The following LRRC75A variants were observed in gnomAD, a reference collection of about 807,000 sequenced individuals.
LRRC75A encodes leucine-rich repeat-containing protein 75A.
Under a neutral mutation model 26.0 loss-of-function variants are expected in LRRC75A, and 12 were observed. The observed-to-expected ratio is 0.46, with a 90% CI of 0.30 to 0.75. LRRC75A has a LOEUF of 0.75. LRRC75A is among the 30% of genes least tolerant of loss of function. The pLI is 0.08. For missense variants in LRRC75A, 410 were observed against 486.6 expected (o/e 0.84, Z 1.48); for synonymous variants, 223 against 219.3 (o/e 1.02, Z -0.15).
At position 16,492,184 on chromosome 17, in the gene LRRC75A, G is replaced by T; in HGVS notation, c.-194C>A. 1 of 284,930 alleles carries T rather than the reference G, an allele frequency of 3.5e-6. No homozygotes were observed. Among genetic ancestry groups the T allele is most frequent in the Non-Finnish European group, 5.2e-6 (1 of 193,564 alleles). The allele number at this position is 284,930 out of a possible 1,614,324, so 17.7% of individuals were successfully genotyped here. ...CCGCGCTCCTCCCTCTTGGCTACCC[G>T]GGCGCGCTCCCCGGGCGCTCGCCGC... is the stretch of plus-strand genomic sequence containing the variant. On this transcript the variant is annotated 5_prime_UTR_variant, in exon 1 of 4. Transcript: ENST00000470794.
chr17:16,475,822 G>A (rs888082225), intron 1 of LRRC75A, among the ~76,000 whole-genome samples: 27 of 152,252 alleles, frequency 1.8e-4, no homozygotes, highest in African/African-American at 6.3e-4. Flanking sequence ...TGAGGTGGGC[G>A]GATCACCTGA....
Position 16,491,116 on chromosome 17 carries a change from A to G in LRRC75A, c.246+629T>C, listed in dbSNP as rs532759511. Among the ~76,000 whole-genome samples the G allele has an allele frequency of 6.6e-6, 1 of 152,376 alleles. No individual in the cohort carries two copies. Among genetic ancestry groups the G allele is most frequent in the Non-Finnish European group, 1.5e-5 (1 of 68,034 alleles). ...AAGTTGCTGCTGGCCAGGTGGTCAC[A>G]CAGGGCACCAAATCCAGCTCCCCTG... On this transcript the variant is annotated intron_variant, in intron 1 of 3. Coordinates refer to ENST00000470794, the MANE Select transcript of LRRC75A (RefSeq NM_001113567.3). The surrounding 1 kb of genome is among the most constrained non-coding windows in gnomAD (Gnocchi z 5.9).
intron 1 of LRRC75A, among the ~76,000 whole-genome samples, chr17:16,480,277 C>T (rs1320374310): frequency 6.6e-6 from 1 of 152,030 alleles, no homozygotes; most frequent in Non-Finnish European, 1.5e-5. Context: ...AAAACCATCC[C>T]CCACCCCGGG....
intron 3 of LRRC75A, among the ~76,000 whole-genome samples, 182 bp from the exon 4 acceptor site, chr17:16,444,313 C>CCCT (rs2093561749): frequency 1.3e-5 from 2 of 152,194 alleles, no homozygotes; most frequent in Non-Finnish European, 2.9e-5. Context: ...CTGACACTGC[C>CCCT]GCACGTCTCA....
intron 2 of LRRC75A, among the ~76,000 whole-genome samples, chr17:16,458,221 C>T (rs559421473): frequency 1.0e-3 from 158 of 152,084 alleles, no homozygotes; most frequent in African/African-American, 3.6e-3. Context: ...GCAGGAGAAC[C>T]GCTTAAACCC....
intron 1 of LRRC75A, among the ~76,000 whole-genome samples, chr17:16,479,002 T>C (rs1412824735): frequency 6.6e-6 from 1 of 152,300 alleles, no homozygotes; most frequent in Non-Finnish European, 1.5e-5. Context: ...GGCAAGGATA[T>C]GAACAGTCTG....
intron 2 of LRRC75A, among the ~76,000 whole-genome samples, chr17:16,459,487 G>A (rs1389455115): frequency 6.6e-6 from 1 of 152,182 alleles, no homozygotes; most frequent in Non-Finnish European, 1.5e-5. Context: ...ACAGAGGAGG[G>A]AGGCCCACGT....
chr17:16,458,416 C>A (rs1295439407), intron 2 of LRRC75A, among the ~76,000 whole-genome samples: 4 of 152,128 alleles, frequency 2.6e-5, no homozygotes, highest in African/African-American at 9.7e-5. Context: ...CTCAAGCAGT[C>A]CCATGGAGAG....
chr17:16,479,412 C>G (rs2093828373), intron 1 of LRRC75A, among the ~76,000 whole-genome samples: 1 of 152,236 alleles, frequency 6.6e-6, no homozygotes, highest in Non-Finnish European at 1.5e-5. Context: ...CTCTAAACTT[C>G]TGTGTGGTCT....
chr17:16,449,425 C>A (rs1018020890), intron 2 of LRRC75A, among the ~76,000 whole-genome samples: 3 of 152,152 alleles, frequency 2.0e-5, no homozygotes, highest in Non-Finnish European at 4.4e-5. Flanking sequence ...ACAGACCTCA[C>A]AAGAGTTTCT....
chr17:16,459,562 G>T lies in LRRC75A; in HGVS notation c.375+2696C>A, dbSNP rs188032030. ...AGCTCAAGAGACTCAGGCAAAGCCA[G>T]ATGAGGAGTTTGGGTTTTGTTTAAA... On this transcript the variant is annotated intron_variant, in intron 2 of 3. Transcript: ENST00000470794. Among the ~76,000 whole-genome samples, 270 of 152,372 alleles carry T rather than the reference G, an allele frequency of 1.8e-3. 1 individual carries two copies. Among genetic ancestry groups the T allele is most frequent in the African/African-American group, 5.9e-3 (245 of 41,584 alleles).
chr17:16,457,632 T>A (rs1042718365), intron 2 of LRRC75A, among the ~76,000 whole-genome samples: 1 of 151,890 alleles, frequency 6.6e-6, no homozygotes, highest in Non-Finnish European at 1.5e-5. Context: ...TTAGAACCAA[T>A]AGAATGGTGG....
intron 1 of LRRC75A, among the ~76,000 whole-genome samples, chr17:16,465,243 C>T (rs2093759053): frequency 6.6e-6 from 1 of 152,208 alleles, no homozygotes. Context: ...CTCCCCCTTA[C>T]AATTGTCCCT....
intron 2 of LRRC75A, chr17:16,448,188 T>C: frequency 1.9e-6 from 1 of 523,390 alleles, no homozygotes; most frequent in Non-Finnish European, 3.5e-6. Context: ...GAAAAACAGA[T>C]TTATGTAAGT....
At position 16,458,267 on chromosome 17, in the gene LRRC75A, A is replaced by G. The variant is rs931722669; in HGVS notation, c.375+3991T>C. 1.3e-3 allele frequency among the ~76,000 whole-genome samples: 199 copies of G among 151,802 alleles called. 1 individual carries two copies. Among genetic ancestry groups the G allele is most frequent in the African/African-American group, 4.5e-3 (185 of 41,400 alleles). Reference sequence around the variant, plus strand: ...GGTTGCAGCGAGTCGAGATTGCGCCATTGCACTCCAGCCTAGGTGATACAG... The same window carrying G: ...GGTTGCAGCGAGTCGAGATTGCGCCGTTGCACTCCAGCCTAGGTGATACAG... On this transcript the variant is annotated intron_variant, in intron 2 of 3. Coordinates refer to ENST00000470794, the MANE Select transcript of LRRC75A (RefSeq NM_001113567.3).
Position 16,491,929 on chromosome 17 carries a change from C to A in LRRC75A, c.62G>T (p.Gly21Val), listed in dbSNP as rs1201763345. 3 of 1,249,224 alleles carry A rather than the reference C, an allele frequency of 2.4e-6. No homozygotes were observed. 77.4% of individuals were successfully genotyped at this position (1,249,224 alleles called of 1,614,324 possible). A position where few individuals can be genotyped will look rare whatever the true frequency, so the allele number is the denominator to read the frequency against. The change falls in exon 1 of 4, where the codon GGC becomes GTC. Residue 21 changes from glycine to valine, a missense_variant. Gly to Val is a moderately radical substitution (Grantham distance 109). Coordinates refer to ENST00000470794, the MANE Select transcript of LRRC75A (RefSeq NM_001113567.3). The surrounding 1 kb of genome is among the most constrained non-coding windows in gnomAD (Gnocchi z 5.9). Reference protein sequence around the residue: ...AERASPGAAPGPRRERPDFWA... With the variant: ...AERASPGAAPVPRRERPDFWA... ...GAAGTCCGGCCGTTCGCGTCGGGGG[C>A]CCGGCGCGGCGCCGGGGCTGGCTCT...
Position 16,480,641 on chromosome 17 carries a change from AAC to A in LRRC75A, c.246+11102_246+11103del, listed in dbSNP as rs1180857080. On this transcript the variant is annotated intron_variant, in intron 1 of 3. Coordinates refer to ENST00000470794, the MANE Select transcript of LRRC75A (RefSeq NM_001113567.3). ...CGAGACTTCGTCTCAAAAAAAAAAA[AAC>A]AAAAAAAAAAAACTGGAGACCACTG... Among the ~76,000 whole-genome samples, 10 of 150,268 alleles carry A rather than the reference AAC, an allele frequency of 6.7e-5. 1 individual carries two copies. The highest frequency in any genetic ancestry group is 3.9e-4 in the East Asian group (2 of 5,186).
At chr17:16,485,711 C>A (rs1169767370) in intron 1 of LRRC75A, among the ~76,000 whole-genome samples, 1 of 127,262 alleles carries the variant, frequency 7.9e-6, no homozygotes, top group Admixed American at 7.6e-5. Context: ...GGCGCGCATG[C>A]GTGGTTTTCT....
intron 1 of LRRC75A, among the ~76,000 whole-genome samples, chr17:16,485,954 CG>C (rs2093846296): frequency 6.6e-6 from 1 of 152,114 alleles, no homozygotes; most frequent in African/African-American, 2.4e-5. Flanking sequence ...CAGGTTACAG[CG>C]GGGTGGGGGA....
Sources: gnomAD v4.1 joint callset for allele counts (sites outside exome capture counted in the v4.1 genomes callset) on GRCh38, gnomAD v4.1.1 for gene constraint, Gnocchi (gnomAD v3.1) non-coding constraint, MANE v1.5 for transcripts, NCBI Gene and HGNC (gene_info 2026-07-23, HGNC 2026-07-21) for gene names.